MARCHF10: variants seen among roughly 807,000 people sequenced by gnomAD.
MARCHF10 encodes the protein membrane associated ring-CH-type finger 10, also known as probable E3 ubiquitin-protein ligase MARCHF10.
A neutral mutation model predicts 76.2 loss-of-function variants in MARCHF10; 64 were observed. The observed-to-expected ratio is 0.84, with a 90% CI of 0.69 to 1.03. The LOEUF (loss-of-function observed/expected upper bound fraction) is 1.03, where lower values mean the gene tolerates loss of function less well. Ranked by LOEUF, MARCHF10 falls within the 50% of genes least tolerant of loss-of-function variation. The probability of loss-of-function intolerance (pLI) is 0.00; values close to 1 mark genes in which losing one functional copy is unlikely to be tolerated. For synonymous variants in MARCHF10, 340 were observed against 357.5 expected, an observed-to-expected ratio of 0.95 and a Z score of 0.55; for missense variants, 875 against 958.0, an observed-to-expected ratio of 0.91 and a Z score of 1.14.
chr17:62,767,842 G>A (rs530168916), intron 3 of MARCHF10, among the ~76,000 whole-genome samples: 5 of 152,170 alleles, frequency 3.3e-5, no homozygotes, highest in South Asian at 2.1e-4. Flanking sequence ...AGTTGAAGTC[G>A]GGATGTGTGG....
intron 9 of MARCHF10, among the ~76,000 whole-genome samples, chr17:62,709,673 G>A (rs1167183880): frequency 2.0e-5 from 3 of 152,130 alleles, no homozygotes; most frequent in Non-Finnish European, 4.4e-5. Flanking sequence ...TGTTTTCTAC[G>A]AGAAATTACT....
chr17:62,771,121 T>C (rs2092437583), intron 3 of MARCHF10, among the ~76,000 whole-genome samples: 1 of 152,114 alleles, frequency 6.6e-6, no homozygotes, highest in Admixed American at 6.5e-5. Context: ...TCCCAATTCC[T>C]AGCCACACCT....
intron 2 of MARCHF10, among the ~76,000 whole-genome samples, chr17:62,800,248 C>G (rs1477430577): frequency 6.6e-6 from 1 of 152,252 alleles, no homozygotes; most frequent in East Asian, 1.9e-4. Flanking sequence ...GGCAACGGCT[C>G]AAAGCCACAC....
intron 3 of MARCHF10, among the ~76,000 whole-genome samples, chr17:62,767,750 C>T (rs975997527): frequency 6.6e-6 from 1 of 152,050 alleles, no homozygotes; most frequent in South Asian, 2.1e-4. Context: ...CTGTAATGCC[C>T]GGCCCTGTAT....
intron 6 of MARCHF10, among the ~76,000 whole-genome samples, chr17:62,734,242 A>T (rs574118373): frequency 5.5e-4 from 84 of 152,186 alleles, no homozygotes; most frequent in African/African-American, 2.0e-3. Flanking sequence ...AAAACCCCAA[A>T]ACACAACACA....
intron 8 of MARCHF10, among the ~76,000 whole-genome samples, chr17:62,719,045 A>G (rs2090357447): frequency 6.6e-6 from 1 of 152,188 alleles, no homozygotes; most frequent in African/African-American, 2.4e-5. Context: ...GCCTAGACTC[A>G]CACAAATCAT....
chr17:62,706,586 G>A (rs1568087625), intron 9 of MARCHF10: 1 of 152,304 alleles, frequency 6.6e-6, no homozygotes, highest in East Asian at 1.9e-4. Flanking sequence ...ATAGGAACTG[G>A]GGTAGGCACA....
Position 62,776,248 on chromosome 17 carries a change from C to T in MARCHF10, c.210+12232G>A, listed in dbSNP as rs558843606. Among the ~76,000 whole-genome samples the T allele has an allele frequency of 2.0e-5, 3 of 152,302 alleles. No homozygotes were observed. The East Asian group carries it at 5.8e-4, about 29-fold the overall frequency. ...ATAATCTCCTCTCACACAATGTCTGCGCTGCTAAGACCAATCAACACAGGG... is the reference window on the plus strand; with the variant it reads ...ATAATCTCCTCTCACACAATGTCTGTGCTGCTAAGACCAATCAACACAGGG... On this transcript the variant is annotated intron_variant, in intron 3 of 10. Coordinates refer to ENST00000311269, the MANE Select transcript of MARCHF10 (RefSeq NM_152598.4).
chr17:62,794,223 C>T (rs890469564), intron 2 of MARCHF10, among the ~76,000 whole-genome samples: 1 of 151,488 alleles, frequency 6.6e-6, no homozygotes, highest in South Asian at 2.1e-4. Context: ...ACCACCTCCA[C>T]CACCACCACA....
rs1211466848 is a variant in MARCHF10, at chr17:62,738,041, C to T, written c.536-709G>A. The T allele has an allele frequency of 2.2e-5, 3 of 138,236 alleles. No homozygotes were observed. The highest frequency in any genetic ancestry group is 3.0e-5 in the Non-Finnish European group (2 of 65,774). The allele number at this position is 138,236 out of a possible 1,614,324, so 8.6% of individuals were successfully genotyped here. On this transcript the variant is annotated intron_variant, in intron 5 of 10. Coordinates refer to ENST00000311269, the MANE Select transcript of MARCHF10 (RefSeq NM_152598.4). This position sits in a 1 kb window ranked among gnomAD's most constrained non-coding sequence, Gnocchi z 4.0. ...AACTGGCCAGAAGCATGCTAACTGTCTCTCTCTGTCTCTCTCTGTCACACA... is the reference window on the plus strand; with the variant it reads ...AACTGGCCAGAAGCATGCTAACTGTTTCTCTCTGTCTCTCTCTGTCACACA...
chr17:62,723,355 T>G (rs1280981921), intron 7 of MARCHF10, among the ~76,000 whole-genome samples: 1 of 151,680 alleles, frequency 6.6e-6, no homozygotes, highest in East Asian at 1.9e-4. Flanking sequence ...TTTTGACTAA[T>G]GATGTACTGG....
At chr17:62,727,349 C>A (rs1313179336) in intron 6 of MARCHF10, among the ~76,000 whole-genome samples, 2 of 152,050 alleles carry the variant, frequency 1.3e-5, no homozygotes, top group African/African-American at 4.8e-5. Context: ...AGCATAAAAT[C>A]ATTACCCCAA....
chr17:62,701,840 A>C (rs913148520), intron 10 of MARCHF10, 82 bp from the exon 11 acceptor site: 1 of 1,572,576 alleles, frequency 6.4e-7, no homozygotes, highest in Non-Finnish European at 8.7e-7. Context: ...CTGCTGCTTC[A>C]TCTTCTCCCA....
intron 10 of MARCHF10, among the ~76,000 whole-genome samples, chr17:62,702,530 G>GT (rs1391148512): frequency 6.6e-6 from 1 of 152,124 alleles, no homozygotes; most frequent in Non-Finnish European, 1.5e-5. Context: ...GCCAGGGGTG[G>GT]TGGCGGGTGT....
intron 5 of MARCHF10, among the ~76,000 whole-genome samples, chr17:62,740,721 G>C (rs995791865): frequency 8.6e-5 from 13 of 151,850 alleles, no homozygotes; most frequent in African/African-American, 2.4e-4. Flanking sequence ...TACAGTTGTA[G>C]GCTCAAACAA....
chr17:62,771,794 C>T (rs1206002570), intron 3 of MARCHF10, among the ~76,000 whole-genome samples: 1 of 152,082 alleles, frequency 6.6e-6, no homozygotes. Context: ...CCAGGCTGGT[C>T]TCAAACTCCT....
chr17:62,748,052 G>A (rs1222568346), intron 4 of MARCHF10, among the ~76,000 whole-genome samples: 1 of 152,138 alleles, frequency 6.6e-6, no homozygotes, highest in Non-Finnish European at 1.5e-5. Context: ...GTCTGTAAGT[G>A]CAGTCACAAA....
chr17:62,793,657 T>C (rs1256660831), intron 2 of MARCHF10, among the ~76,000 whole-genome samples: 4 of 65,166 alleles, frequency 6.1e-5, no homozygotes, highest in East Asian at 5.5e-4. Flanking sequence ...CCATCACACC[T>C]CCATCAACCA....
chr17:62,778,589 G>A (rs2092596438), intron 3 of MARCHF10, among the ~76,000 whole-genome samples: 2 of 151,240 alleles, frequency 1.3e-5, no homozygotes, highest in Non-Finnish European at 2.9e-5. Flanking sequence ...AATTAGCCGG[G>A]CATCATGGCG....
Sources: allele counts gnomAD v4.1 joint callset (sites outside exome capture counted in the v4.1 genomes callset), GRCh38; gene constraint gnomAD v4.1.1; non-coding constraint Gnocchi (gnomAD v3.1); transcripts MANE v1.5; gene names NCBI Gene and HGNC (gene_info 2026-07-23, HGNC 2026-07-21).